The following ZSWIM5 variants were observed in gnomAD, a reference collection of about 807,000 sequenced individuals.
ZSWIM5 encodes zinc finger SWIM domain-containing protein 5.
In ZSWIM5, 55 loss-of-function variants were observed where a neutral mutation model predicts 119.6. The observed-to-expected ratio is 0.46, with a 90% CI of 0.37 to 0.58. The LOEUF (loss-of-function observed/expected upper bound fraction) is 0.58, where lower values mean the gene tolerates loss of function less well. Among genes scored for constraint, ZSWIM5 ranks in the 20% least tolerant of loss-of-function variants. ZSWIM5 has a pLI of 0.00. For missense variants in ZSWIM5, 1,193 were observed against 1,512.8 expected (o/e 0.79, Z 3.51); for synonymous variants, 537 against 606.9 (o/e 0.88, Z 1.69).
chr1:45,065,039 G>A (rs1041435667), intron 2 of ZSWIM5, among the ~76,000 whole-genome samples: 2 of 152,170 alleles, frequency 1.3e-5, no homozygotes, highest in Admixed American at 6.5e-5. Context: ...TTTTCCCACA[G>A]TGAGGATAAT....
At chr1:45,180,524 C>T (rs1318487152) in intron 1 of ZSWIM5, among the ~76,000 whole-genome samples, 2 of 152,190 alleles carry the variant, frequency 1.3e-5, no homozygotes, top group South Asian at 2.1e-4. Context: ...AACAAAAAGA[C>T]AGCAGTAACC....
chr1:45,095,445 T>C (rs1402836335), intron 1 of ZSWIM5, among the ~76,000 whole-genome samples: 1 of 152,182 alleles, frequency 6.6e-6, no homozygotes, highest in African/African-American at 2.4e-5. Context: ...TATTTTTCTT[T>C]AACAGGATGT....
chr1:45,115,969 G>A (rs1013167689), intron 1 of ZSWIM5, among the ~76,000 whole-genome samples: 1 of 152,200 alleles, frequency 6.6e-6, no homozygotes, highest in African/African-American at 2.4e-5. Context: ...CCAGTCAGGC[G>A]TGGTGGCGCG....
chr1:45,186,661 A>G lies in ZSWIM5; in HGVS notation c.595+19095T>C, dbSNP rs373301317. Among the ~76,000 whole-genome samples, 46 of 152,242 alleles carry G rather than the reference A, an allele frequency of 3.0e-4. 1 individual carries two copies. The South Asian group carries it at 8.9e-3, about 29-fold the overall frequency. On this transcript the variant is annotated intron_variant, in intron 1 of 13. Coordinates refer to ENST00000359600, the MANE Select transcript of ZSWIM5 (RefSeq NM_020883.2). ...CGCTCTGTCACCGAGGCTAGAGTGCAGTGGCATGATCTCGGCTCACTGCAA... is the reference window on the plus strand; with the variant it reads ...CGCTCTGTCACCGAGGCTAGAGTGCGGTGGCATGATCTCGGCTCACTGCAA...
At chr1:45,205,687 C>A (rs1646183578) in intron 1 of ZSWIM5, 69 bp downstream of exon 1, 5 of 1,400,946 alleles carry the variant, frequency 3.6e-6, no homozygotes, top group Non-Finnish European at 4.7e-6. Context: ...GGCCCCAGGG[C>A]TCGGGCCGAG....
In ZSWIM5 at chr1:45,193,123, CTGAT is replaced by C. The variant is rs543341891; in HGVS notation, c.595+12629_595+12632del. The stretch of plus-strand genomic sequence containing the variant: ...AATATCTGGCAGGCAAATATATATG[CTGAT>C]CTTTGGATTATTTGGAAGTGCTTCA... On this transcript the variant is annotated intron_variant, in intron 1 of 13. Coordinates refer to ENST00000359600, the MANE Select transcript of ZSWIM5 (RefSeq NM_020883.2). Among the ~76,000 whole-genome samples, 1,033 of 152,126 alleles carry C rather than the reference CTGAT, an allele frequency of 6.8e-3. 10 individuals carry two copies. The highest frequency in any genetic ancestry group is 0.021 in the African/African-American group (879 of 41,488).
rs200140889 is a variant in ZSWIM5, at chr1:45,020,155, C to T, written c.2614-8G>A. On this transcript the variant is annotated splice_region_variant and splice_polypyrimidine_tract_variant and intron_variant, in intron 12 of 13. Transcript: ENST00000359600. Reference sequence around the variant, plus strand: ...TAAGGTCATCCGCATCACCTGGGCACAAAAGAGGCCTTTCCAGTGGGCTAT... The same window carrying T: ...TAAGGTCATCCGCATCACCTGGGCATAAAAGAGGCCTTTCCAGTGGGCTAT... 6.2e-7 allele frequency: 1 copy of T among 1,613,770 alleles called. No individual in the cohort carries two copies. Among genetic ancestry groups the T allele is most frequent in the Non-Finnish European group, 8.5e-7 (1 of 1,179,786 alleles).
intron 1 of ZSWIM5, among the ~76,000 whole-genome samples, chr1:45,172,350 T>C (rs1002188152): frequency 6.6e-6 from 1 of 152,066 alleles, no homozygotes; most frequent in African/African-American, 2.4e-5. Flanking sequence ...GCAAATATAT[T>C]GGTTAAAGGC....
chr1:45,154,432 A>G (rs1046253747), intron 1 of ZSWIM5, among the ~76,000 whole-genome samples: 1 of 152,204 alleles, frequency 6.6e-6, no homozygotes, highest in African/African-American at 2.4e-5. Flanking sequence ...ACCCAGAAAT[A>G]AACCCAAATA....
At chr1:45,062,669 T>G (rs1021874332) in intron 2 of ZSWIM5, among the ~76,000 whole-genome samples, 3 of 152,000 alleles carry the variant, frequency 2.0e-5, no homozygotes, top group Non-Finnish European at 2.9e-5. Context: ...CCCAACTAAT[T>G]TATTTTTAAA....
At chr1:45,150,687 T>C (rs1323549212) in intron 1 of ZSWIM5, among the ~76,000 whole-genome samples, 1 of 152,218 alleles carries the variant, frequency 6.6e-6, no homozygotes, top group Non-Finnish European at 1.5e-5. Flanking sequence ...TCTTATTACA[T>C]TGTTTTATAT....
At chr1:45,052,001 ATT>A (rs5773861) in intron 4 of ZSWIM5, among the ~76,000 whole-genome samples, 5 of 143,244 alleles carry the variant, frequency 3.5e-5, no homozygotes, top group African/African-American at 1.0e-4. Context: ...CTTTCTTGGG[ATT>A]TTTTTTTTTT....
At chr1:45,186,253 C>T (rs573457743) in intron 1 of ZSWIM5, among the ~76,000 whole-genome samples, 8,703 of 75,272 alleles carry the variant, frequency 0.12, 377 homozygotes, top group Middle Eastern at 0.2. Context: ...GACTGTTGTG[C>T]AGTGGGGGGA....
intron 11 of ZSWIM5, among the ~76,000 whole-genome samples, chr1:45,032,791 A>C (rs897819132): frequency 1.1e-4 from 9 of 81,070 alleles, no homozygotes; most frequent in Admixed American, 5.8e-4. Context: ...CTGGCCTGAT[A>C]ATTTTTTTTT....
intron 1 of ZSWIM5, among the ~76,000 whole-genome samples, chr1:45,153,839 C>G (rs554140680): frequency 6.6e-6 from 1 of 152,084 alleles, no homozygotes; most frequent in African/African-American, 2.4e-5. Flanking sequence ...GACTGTATAC[C>G]TAGAAAACCC....
chr1:45,023,708 T>C (rs547821257), intron 11 of ZSWIM5, among the ~76,000 whole-genome samples: 18 of 152,274 alleles, frequency 1.2e-4, no homozygotes, highest in Middle Eastern at 3.4e-3. Flanking sequence ...TTCAAATAAT[T>C]TCAAATAGGT....
At chr1:45,144,266 G>A (rs138663087) in intron 1 of ZSWIM5, among the ~76,000 whole-genome samples, 241 of 152,112 alleles carry the variant, frequency 1.6e-3, no homozygotes, top group African/African-American at 5.5e-3. Context: ...GGTGGTTCAA[G>A]CCTGTAATCC....
intron 5 of ZSWIM5, 30 bp downstream of exon 5, chr1:45,051,044 A>T: frequency 6.3e-7 from 1 of 1,597,760 alleles, no homozygotes; most frequent in South Asian, 1.1e-5. Context: ...AGTTCCAGGT[A>T]CAAAGAGCCT....
At position 45,163,329 on chromosome 1, in the gene ZSWIM5, C is replaced by G. The variant is rs148386031; in HGVS notation, c.595+42427G>C. Reference sequence around the variant, plus strand: ...CAAAACCCCATCTGTACGTCATCATCATCAAAGACCAAAGGTAGATAAAAC... The same window carrying G: ...CAAAACCCCATCTGTACGTCATCATGATCAAAGACCAAAGGTAGATAAAAC... On this transcript the variant is annotated intron_variant, in intron 1 of 13. Transcript: ENST00000359600. 7.9e-5 allele frequency among the ~76,000 whole-genome samples: 12 copies of G among 152,338 alleles called. No homozygotes were observed. In the East Asian group the frequency reaches 2.3e-3, roughly 29 times the overall value.
Sources: allele counts gnomAD v4.1 joint callset (sites outside exome capture counted in the v4.1 genomes callset), GRCh38; gene constraint gnomAD v4.1.1; transcripts MANE v1.5; gene names NCBI Gene and HGNC (gene_info 2026-07-23, HGNC 2026-07-21).